The following ITGB6 variants were observed in gnomAD, a reference collection of about 807,000 sequenced individuals.
ITGB6 encodes the protein integrin beta-6.
Under a neutral mutation model 84.5 loss-of-function variants are expected in ITGB6, and 80 were observed. That is an observed-to-expected ratio of 0.95 (90% CI 0.79 to 1.14). The LOEUF (loss-of-function observed/expected upper bound fraction) is 1.14. Among genes scored for constraint, ITGB6 ranks in the 50% most tolerant of loss-of-function variants. The pLI, the probability that ITGB6 is intolerant of heterozygous loss-of-function variation, is 0.00. For synonymous variants in ITGB6, 383 were observed against 354.9 expected (o/e 1.08, Z -0.89); for missense variants, 1,006 against 968.0 (o/e 1.04, Z -0.52).
intron 12 of ITGB6, among the ~76,000 whole-genome samples, chr2:160,113,267 A>C (rs1251971689): frequency 6.6e-6 from 1 of 152,248 alleles, no homozygotes; most frequent in African/African-American, 2.4e-5. Context: ...ACATTAATAA[A>C]GCAGAATCTA....
intron 8 of ITGB6, among the ~76,000 whole-genome samples, chr2:160,138,638 A>G (rs1303925654): frequency 6.6e-6 from 1 of 152,230 alleles, no homozygotes; most frequent in Non-Finnish European, 1.5e-5. Flanking sequence ...CTTTATGTGT[A>G]TCATGATTTC....
chr2:160,188,653 G>C (rs1427313560), intron 4 of ITGB6, among the ~76,000 whole-genome samples: 1 of 151,414 alleles, frequency 6.6e-6, no homozygotes, highest in Non-Finnish European at 1.5e-5. Flanking sequence ...ACCCAGGCTA[G>C]AGTACTGTGG....
intron 7 of ITGB6, among the ~76,000 whole-genome samples, chr2:160,144,511 C>T (rs569087042): frequency 3.3e-5 from 5 of 152,150 alleles, no homozygotes; most frequent in South Asian, 2.1e-4. Context: ...GAAGCTGGAA[C>T]GTGTGTAAAT....
At position 160,138,266 on chromosome 2, in the gene ITGB6, G is replaced by A. The variant is rs113394624; in HGVS notation, c.1108-67C>T. The A allele has an allele frequency of 1.0e-3, 1,420 of 1,423,124 alleles. 14 individuals are homozygous for A. In the African/African-American group the frequency reaches 0.018, roughly 18 times the overall value. 88.2% of individuals were successfully genotyped at this position (1,423,124 alleles called of 1,614,324 possible). On this transcript the variant is annotated intron_variant, in intron 8 of 14. Transcript: ENST00000283249. ...AAAAATATAGCCAGAAGAAGAAACC[G>A]TGAATCATGTTCATTGAACTACAAA...
intron 7 of ITGB6, among the ~76,000 whole-genome samples, chr2:160,144,503 A>T (rs754003371): frequency 2.6e-5 from 4 of 152,232 alleles, no homozygotes; most frequent in Non-Finnish European, 4.4e-5. Context: ...ACTTAAGTGA[A>T]GCTGGAACGT....
chr2:160,198,421 G>A (rs1407913874), intron 2 of ITGB6, among the ~76,000 whole-genome samples: 3 of 152,274 alleles, frequency 2.0e-5, no homozygotes, highest in East Asian at 1.9e-4. Context: ...CTTGGTATTC[G>A]TATGATTTGA....
chr2:160,184,633 G>A (rs184778784), intron 4 of ITGB6, among the ~76,000 whole-genome samples: 1 of 152,242 alleles, frequency 6.6e-6, no homozygotes, highest in Non-Finnish European at 1.5e-5. Flanking sequence ...ATTTTATGAG[G>A]CCAGCATCAT....
intron 8 of ITGB6, 76 bp from the exon 9 acceptor site, chr2:160,138,275 G>T: frequency 1.4e-6 from 2 of 1,386,922 alleles, no homozygotes; most frequent in South Asian, 1.6e-5. Flanking sequence ...CGTGAATCAT[G>T]TTCATTGAAC....
At chr2:160,168,664 C>G (rs896779192) in intron 7 of ITGB6, among the ~76,000 whole-genome samples, 4 of 152,300 alleles carry the variant, frequency 2.6e-5, no homozygotes, top group African/African-American at 9.6e-5. Context: ...GTTGGTGCTT[C>G]CATTCAAACA....
chr2:160,124,765 T>C (rs1301564786), intron 11 of ITGB6, among the ~76,000 whole-genome samples: 5 of 152,232 alleles, frequency 3.3e-5, no homozygotes, highest in Admixed American at 6.5e-5. Context: ...CAGCTGAGAC[T>C]GCACTTCCTT....
chr2:160,114,878 C>T (rs995671171), intron 12 of ITGB6, among the ~76,000 whole-genome samples: 14 of 152,236 alleles, frequency 9.2e-5, no homozygotes, highest in African/African-American at 1.4e-4. Flanking sequence ...GAGGGTCCTA[C>T]GCCCACGGAG....
chr2:160,137,971 T>C lies in ITGB6; in HGVS notation c.1242+94A>G, dbSNP rs186816474. On this transcript the variant is annotated intron_variant, in intron 9 of 14. Transcript: ENST00000283249. ...CTAGAAAATCTTTGAAAATTGCTTT[T>C]AAAATTCTTGAAAGAAATCCAGCTT... The C allele has an allele frequency of 9.1e-6, 14 of 1,531,900 alleles. No individual in the cohort carries two copies. The Admixed American group carries it at 1.2e-4, about 14-fold the overall frequency. The allele number at this position is 1,531,900 out of a possible 1,614,324, so 94.9% of individuals were successfully genotyped here.
intron 6 of ITGB6, among the ~76,000 whole-genome samples, chr2:160,171,773 T>C (rs1476851872): frequency 6.6e-6 from 1 of 152,198 alleles, no homozygotes; most frequent in Admixed American, 6.5e-5. Flanking sequence ...TACATAGAGA[T>C]GCACAAGAAC....
intron 7 of ITGB6, among the ~76,000 whole-genome samples, chr2:160,154,921 G>T (rs2168671): frequency 0.015 from 2,249 of 152,272 alleles, 58 homozygotes; most frequent in Admixed American, 0.054. Flanking sequence ...TTGGAGAAGG[G>T]GCCTGGTTGG....
intron 7 of ITGB6, among the ~76,000 whole-genome samples, chr2:160,154,132 A>T (rs1307992409): frequency 3.9e-5 from 6 of 152,254 alleles, no homozygotes; most frequent in Non-Finnish European, 5.9e-5. Flanking sequence ...ACACATGCAC[A>T]TGTATGTTTA....
chr2:160,133,093 A>G (rs1241190140), intron 10 of ITGB6, among the ~76,000 whole-genome samples: 1 of 151,994 alleles, frequency 6.6e-6, no homozygotes, highest in Non-Finnish European at 1.5e-5. Flanking sequence ...CCAAAGTCAT[A>G]TACATTTAAA....
intron 4 of ITGB6, among the ~76,000 whole-genome samples, chr2:160,185,940 C>G (rs1375213075): frequency 2.0e-5 from 3 of 152,056 alleles, no homozygotes; most frequent in Non-Finnish European, 4.4e-5. Flanking sequence ...TGAACTGGAC[C>G]CCTTCCTTAC....
chr2:160,131,465 T>C (rs1049080516), intron 10 of ITGB6, among the ~76,000 whole-genome samples: 3 of 152,206 alleles, frequency 2.0e-5, no homozygotes, highest in African/African-American at 2.4e-5. Context: ...TGTAGCATGT[T>C]TGATCCTCTG....
intron 4 of ITGB6, 111 bp from the exon 5 acceptor site, chr2:160,174,250 G>T: frequency 1.3e-6 from 1 of 795,816 alleles, no homozygotes; most frequent in Non-Finnish European, 1.9e-6. Context: ...TTTTCTAAAG[G>T]GCCTGACTCT....
Sources: gnomAD v4.1 joint callset for allele counts (sites outside exome capture counted in the v4.1 genomes callset) on GRCh38, gnomAD v4.1.1 for gene constraint, MANE v1.5 for transcripts, NCBI Gene and HGNC (gene_info 2026-07-23, HGNC 2026-07-21) for gene names.